PARD3B: variants seen among roughly 807,000 people sequenced by gnomAD.
The protein encoded by PARD3B is par-3 family cell polarity regulator beta, also known as partitioning defective 3 homolog B.
A neutral mutation model predicts 130.2 loss-of-function variants in PARD3B; 103 were observed. The observed-to-expected ratio is 0.79, with a 90% CI of 0.67 to 0.93. The LOEUF (loss-of-function observed/expected upper bound fraction) is 0.93. Ranked by LOEUF, PARD3B falls within the 40% of genes least tolerant of loss-of-function variation. The pLI is 0.00. For synonymous variants in PARD3B, 583 were observed against 553.2 expected (o/e 1.05, Z -0.76); for missense variants, 1,609 against 1,499.2 (o/e 1.07, Z -1.21).
At chr2:204,886,084 C>T (rs374052385) in intron 2 of PARD3B, among the ~76,000 whole-genome samples, 38 of 152,276 alleles carry the variant, frequency 2.5e-4, no homozygotes, top group African/African-American at 8.4e-4. Context: ...AATGATCTTT[C>T]AGACTATTTG....
At chr2:204,603,419 T>C (rs2033591449) in intron 1 of PARD3B, among the ~76,000 whole-genome samples, 2 of 152,134 alleles carry the variant, frequency 1.3e-5, no homozygotes, top group Admixed American at 6.6e-5. Flanking sequence ...TTATTGTTTG[T>C]TCATTTCTCT....
intron 20 of PARD3B, among the ~76,000 whole-genome samples, chr2:205,464,726 A>G (rs549216918): frequency 6.6e-6 from 1 of 152,312 alleles, no homozygotes; most frequent in Non-Finnish European, 1.5e-5. Context: ...AGAAGACCCA[A>G]ATCACACAGG....
At chr2:205,354,074 C>G (rs540245812) in intron 18 of PARD3B, among the ~76,000 whole-genome samples, 1 of 135,848 alleles carries the variant, frequency 7.4e-6, no homozygotes, top group Non-Finnish European at 1.5e-5. Context: ...GCTCTGTTGC[C>G]CAGGCTGGAG....
chr2:205,582,098 C>G (rs1316839579), intron 22 of PARD3B, among the ~76,000 whole-genome samples: 1 of 152,214 alleles, frequency 6.6e-6, no homozygotes, highest in African/African-American at 2.4e-5. Flanking sequence ...CTTGGGGTAC[C>G]TTTCCTGTAG....
chr2:205,368,627 G>A (rs750214850), intron 18 of PARD3B, among the ~76,000 whole-genome samples: 9 of 152,060 alleles, frequency 5.9e-5, no homozygotes, highest in Non-Finnish European at 1.2e-4. Flanking sequence ...GCAAGATTCC[G>A]TCTCAAAAAT....
At chr2:204,695,316 G>T (rs749440333) in intron 2 of PARD3B, among the ~76,000 whole-genome samples, 9 of 151,602 alleles carry the variant, frequency 5.9e-5, no homozygotes, top group Non-Finnish European at 1.0e-4. Flanking sequence ...CAATCTCATT[G>T]TAATACCTAA....
intron 20 of PARD3B, among the ~76,000 whole-genome samples, chr2:205,469,548 AGAAG>A (rs2048751809): frequency 7.2e-5 from 11 of 152,292 alleles, no homozygotes; most frequent in Middle Eastern, 3.4e-3. Flanking sequence ...TCTCTGCTTC[AGAAG>A]CTTCTTAAGG....
intron 21 of PARD3B, among the ~76,000 whole-genome samples, chr2:205,536,214 T>C (rs1365658639): frequency 2.0e-5 from 3 of 152,004 alleles, no homozygotes; most frequent in East Asian, 3.9e-4. Context: ...GTCTCTTAGC[T>C]GAGTTGTGTG....
chr2:204,643,372 T>C (rs1253184459), intron 1 of PARD3B, among the ~76,000 whole-genome samples: 2 of 152,056 alleles, frequency 1.3e-5, no homozygotes, highest in African/African-American at 2.4e-5. Context: ...TGTCCTGGAC[T>C]TCATCCCTCC....
rs71032439 is a variant in PARD3B, at chr2:205,103,109, TATATTTTATATTTATGTAAAATAAAC to T, written c.505-1270_505-1245del. 5.5e-3 allele frequency among the ~76,000 whole-genome samples: 804 copies of T among 146,112 alleles called. 17 individuals carry two copies. Among genetic ancestry groups the T allele is most frequent in the African/African-American group, 0.019 (751 of 39,542 alleles). On this transcript the variant is annotated intron_variant, in intron 4 of 22. Coordinates refer to ENST00000406610, the MANE Select transcript of PARD3B (RefSeq NM_001302769.2). ...TTTTTTATTTTTTTATTTTTATATT[TATATTTTATATTTATGTAAAATAAAC>T]ATATTTTATATTTATGTAAAATAAA...
rs780484580 is a variant in PARD3B at position 205,615,633 on chromosome 2, G to T, written c.3438G>T (p.Pro1146=). The part of the protein sequence containing the change: ...DLRYPQHYPP[P]PAPQHKGPFR... Reference sequence around the variant, plus strand: ...GGTATCCTCAGCACTACCCACCCCCGCCAGCTCCCCAGCACAAAGGACCCT... The same window carrying T: ...GGTATCCTCAGCACTACCCACCCCCTCCAGCTCCCCAGCACAAAGGACCCT... Residue 1146 remains proline (P), a synonymous_variant, in exon 23 of 23, where the codon CCG becomes CCT. Coordinates refer to ENST00000406610, the MANE Select transcript of PARD3B (RefSeq NM_001302769.2). 1.5e-5 allele frequency: 24 copies of T among 1,555,820 alleles called. 1 individual carries two copies. The South Asian group carries it at 2.0e-4, about 13-fold the overall frequency.
intron 10 of PARD3B, among the ~76,000 whole-genome samples, chr2:205,154,840 G>C (rs920967181): frequency 1.3e-5 from 2 of 152,142 alleles, no homozygotes; most frequent in Admixed American, 1.3e-4. Context: ...GGTGGGAATT[G>C]AACAATGAGA....
intron 16 of PARD3B, among the ~76,000 whole-genome samples, chr2:205,278,371 G>C (rs1193108471): frequency 6.6e-6 from 1 of 152,178 alleles, no homozygotes; most frequent in Non-Finnish European, 1.5e-5. Context: ...AGATTTCGGG[G>C]ACTAGAGAGA....
intron 2 of PARD3B, among the ~76,000 whole-genome samples, chr2:204,735,301 C>T (rs1286545207): frequency 6.6e-6 from 1 of 152,036 alleles, no homozygotes; most frequent in Non-Finnish European, 1.5e-5. Flanking sequence ...CACATTCTAG[C>T]AGTGGACCAC....
chr2:204,809,170 A>G (rs2042877076), intron 2 of PARD3B, among the ~76,000 whole-genome samples: 1 of 151,554 alleles, frequency 6.6e-6, no homozygotes, highest in Non-Finnish European at 1.5e-5. Context: ...TAGATACTGG[A>G]TATTAGACCT....
At chr2:204,872,595 C>T (rs1053799117) in intron 2 of PARD3B, among the ~76,000 whole-genome samples, 2 of 152,136 alleles carry the variant, frequency 1.3e-5, no homozygotes, top group Non-Finnish European at 2.9e-5. Flanking sequence ...AGACTGCTGT[C>T]ATACTGTTTA....
intron 2 of PARD3B, among the ~76,000 whole-genome samples, chr2:204,794,594 A>G (rs1312937591): frequency 2.6e-5 from 4 of 152,232 alleles, no homozygotes; most frequent in Admixed American, 6.5e-5. Flanking sequence ...ATAATTGTAG[A>G]TATAAATGAC....
At chr2:204,831,118 A>G (rs931884842) in intron 2 of PARD3B, among the ~76,000 whole-genome samples, 1 of 152,202 alleles carries the variant, frequency 6.6e-6, no homozygotes, top group African/African-American at 2.4e-5. Context: ...CTTTATTGCT[A>G]AAATTTAGCT....
At chr2:204,961,544 C>G (rs1196326130) in intron 2 of PARD3B, among the ~76,000 whole-genome samples, 1 of 152,142 alleles carries the variant, frequency 6.6e-6, no homozygotes, top group African/African-American at 2.4e-5. Context: ...TATAGAAGGT[C>G]TGGGTTGCAC....
Sources: gnomAD v4.1 joint callset for allele counts (sites outside exome capture counted in the v4.1 genomes callset) on GRCh38, gnomAD v4.1.1 for gene constraint, MANE v1.5 for transcripts, NCBI Gene and HGNC (gene_info 2026-07-23, HGNC 2026-07-21) for gene names.